Variants in CHD2 observed in about 807,000 individuals in gnomAD.
The protein encoded by CHD2 is ATP-dependent chromatin remodeler CHD2.
CHD2 carries 28 observed loss-of-function variants against 243.9 expected under a neutral mutation model. The ratio of observed to expected loss-of-function variants is 0.11; its 90% CI spans 0.09 to 0.16. The LOEUF (loss-of-function observed/expected upper bound fraction) is 0.16, where lower values mean the gene tolerates loss of function less well. Among genes scored for constraint, CHD2 ranks in the 10% least tolerant of loss-of-function variants. CHD2 has a pLI of 1.00. For missense variants in CHD2, 1,386 were observed against 2,209.8 expected (o/e 0.63, Z 7.47); for synonymous variants, 775 against 779.0 (o/e 0.99, Z 0.09).
At chr15:92,938,921 A>G (rs944712067) in intron 6 of CHD2, among the ~76,000 whole-genome samples, 26 of 152,224 alleles carry the variant, frequency 1.7e-4, no homozygotes, top group Non-Finnish European at 5.9e-5. Context: ...ATACACATAC[A>G]GTAAAAACTT....
intron 5 of CHD2, among the ~76,000 whole-genome samples, chr15:92,931,400 G>C (rs2053163585): frequency 6.6e-6 from 1 of 152,154 alleles, no homozygotes; most frequent in South Asian, 2.1e-4. Flanking sequence ...TTATTTAAGA[G>C]AGAGGGTCTT....
At chr15:92,929,965 C>G (rs1176250170) in intron 5 of CHD2, among the ~76,000 whole-genome samples, 1 of 151,962 alleles carries the variant, frequency 6.6e-6, no homozygotes, top group Non-Finnish European at 1.5e-5. Context: ...TTATTAGAAA[C>G]TATGCTAAGA....
chr15:93,010,616 G>A (rs996906552), intron 35 of CHD2, among the ~76,000 whole-genome samples: 1 of 151,964 alleles, frequency 6.6e-6, no homozygotes, highest in African/African-American at 2.4e-5. Context: ...TAGAGATGGG[G>A]TTTCATCATG....
At chr15:92,977,570 G>A (rs1020110339) in intron 20 of CHD2, among the ~76,000 whole-genome samples, 2 of 152,050 alleles carry the variant, frequency 1.3e-5, no homozygotes, top group South Asian at 2.1e-4. Context: ...GCACTCAGAC[G>A]CAGGCAGGTG....
Position 93,024,778 on chromosome 15 carries a change from G to T in CHD2, c.*73G>T. ...TTTTTGGTCTGATCCTACAGTAGCC[G>T]GTTATCTAGACCAGTAAGTGGAGTT... is the stretch of plus-strand genomic sequence containing the variant. On this transcript the variant is annotated 3_prime_UTR_variant, in exon 39 of 39. Coordinates refer to ENST00000394196, the MANE Select transcript of CHD2 (RefSeq NM_001271.4). The T allele has an allele frequency of 7.7e-7, 1 of 1,294,472 alleles. No individual in the cohort carries two copies. Among genetic ancestry groups the T allele is most frequent in the Non-Finnish European group, 1.1e-6 (1 of 935,034 alleles). 80.2% of individuals were successfully genotyped at this position (1,294,472 alleles called of 1,614,324 possible).
At chr15:92,929,991 T>C (rs1240518639) in intron 5 of CHD2, among the ~76,000 whole-genome samples, 1 of 147,814 alleles carries the variant, frequency 6.8e-6, no homozygotes, top group Admixed American at 6.9e-5. Flanking sequence ...TGACATTAAA[T>C]AAATGTAGGG....
At chr15:93,006,400 C>T (rs1349434904) in intron 34 of CHD2, among the ~76,000 whole-genome samples, 1 of 152,170 alleles carries the variant, frequency 6.6e-6, no homozygotes, top group Non-Finnish European at 1.5e-5. Context: ...GCTGGGATTA[C>T]AGGCGTGAGC....
At chr15:92,987,845 A>T in intron 26 of CHD2, among the ~76,000 whole-genome samples, 1 of 146,788 alleles carries the variant, frequency 6.8e-6, no homozygotes, top group Admixed American at 6.8e-5. Flanking sequence ...TAATTACCTT[A>T]AAAAAAAAAC....
intron 7 of CHD2, among the ~76,000 whole-genome samples, chr15:92,940,942 TATATAA>T (rs1184159636): frequency 9.7e-5 from 13 of 133,846 alleles, no homozygotes; most frequent in South Asian, 2.2e-4. Context: ...ATATAAAATA[TATATAA>T]ATATAAATAT....
At chr15:92,974,040 A>C (rs2053876431) in intron 19 of CHD2, 1 of 152,190 alleles carries the variant, frequency 6.6e-6, no homozygotes. Context: ...GTCACCTTTC[A>C]GGTTAGTTTT....
rs934872837 is a variant in CHD2 at position 93,020,048 on chromosome 15, A to G, written c.4943A>G (p.Tyr1648Cys). The change falls in exon 38 of 39, where the codon TAT becomes TGT. Residue 1648 changes from tyrosine to cysteine, a missense_variant. Around this residue, in one of 19 missense-constraint regions of CHD2, gnomAD observed 347 missense variants for 341.6 expected, o/e 1.02. Coordinates refer to ENST00000394196, the MANE Select transcript of CHD2 (RefSeq NM_001271.4). ...GDWQRERKFNYGGGNNNPPWG... is the reference protein window; with the variant it reads ...GDWQRERKFNCGGGNNNPPWG... The stretch of plus-strand genomic sequence containing the variant: ...TGGCAGAGGGAAAGAAAGTTCAACT[A>G]TGGTGGTGGCAACAACAATCCACCA... 1.9e-6 allele frequency: 3 copies of G among 1,614,054 alleles called. No homozygotes were observed. Among genetic ancestry groups the G allele is most frequent in the South Asian group, 1.1e-5 (1 of 91,082 alleles).
In CHD2 at chr15:93,020,266, A is replaced by G. The variant is rs1032969529; in HGVS notation, c.5153+8A>G. 3.7e-6 allele frequency: 6 copies of G among 1,614,044 alleles called. No individual in the cohort carries two copies. Among genetic ancestry groups the G allele is most frequent in the Non-Finnish European group, 5.1e-6 (6 of 1,180,024 alleles). On this transcript the variant is annotated splice_region_variant and intron_variant, in intron 38 of 38. Transcript: ENST00000394196. ...CAGAGATTATTATGACAGGTATGCA[A>G]AAGGCTGTGAGACACCAGGTGCCAA... is the stretch of plus-strand genomic sequence containing the variant.
chr15:92,953,408 G>A lies in CHD2; in HGVS notation c.1554G>A (p.Gln518=). ...AAATGGGCCTAGGAAAGACCATCCA[G>A]ACCATATCATTCCTCTCCTACCTGT... The part of the protein sequence containing the change: ...ADEMGLGKTI[Q]TISFLSYLFH... Residue 518 remains glutamine, a synonymous_variant, in exon 14 of 39, where the codon CAG becomes CAA. Coordinates refer to ENST00000394196, the MANE Select transcript of CHD2 (RefSeq NM_001271.4). 6.2e-7 allele frequency: 1 copy of A among 1,614,128 alleles called. No homozygotes were observed. Among genetic ancestry groups the A allele is most frequent in the Non-Finnish European group, 8.5e-7 (1 of 1,180,012 alleles).
chr15:92,921,051 T>C (rs935709155), intron 2 of CHD2, among the ~76,000 whole-genome samples: 5 of 151,790 alleles, frequency 3.3e-5, no homozygotes. Flanking sequence ...GGCATGGTAA[T>C]TGAAGCTCAG....
intron 35 of CHD2, 105 bp downstream of exon 35, chr15:93,009,428 C>T: frequency 9.3e-7 from 1 of 1,073,626 alleles, no homozygotes; most frequent in Non-Finnish European, 1.3e-6. Context: ...AAATCTTTCT[C>T]CCAGCACAAC....
intron 28 of CHD2, 69 bp from the exon 29 acceptor site, chr15:92,996,888 G>C (rs373679953): frequency 6.7e-7 from 1 of 1,485,196 alleles, no homozygotes; most frequent in East Asian, 2.3e-5. Context: ...GTCAGGGTTC[G>C]TTGATACATG....
chr15:92,944,478 G>A lies in CHD2; in HGVS notation c.1116G>A (p.Glu372=), dbSNP rs147482358. ...YFNCQQELAS[E]LNKQYQIVER... ...ATTGCCAACAGGAGCTGGCTTCAGA[G>A]TTGAATAAACAGTATCAGATAGTAG... Residue 372 remains glutamate (E), a synonymous_variant, in exon 10 of 39, where the codon GAG becomes GAA. Coordinates refer to ENST00000394196, the MANE Select transcript of CHD2 (RefSeq NM_001271.4). The A allele has an allele frequency of 1.8e-5, 29 of 1,609,920 alleles. No homozygotes were observed. The African/African-American group carries it at 3.7e-4, about 21-fold the overall frequency.
intron 7 of CHD2, 22 bp downstream of exon 7, chr15:92,939,740 T>A (rs1332923889): frequency 6.2e-7 from 1 of 1,609,386 alleles, no homozygotes; most frequent in Non-Finnish European, 8.5e-7. Flanking sequence ...CCCAGAAGTG[T>A]TTCACTGGTG....
intron 5 of CHD2, among the ~76,000 whole-genome samples, chr15:92,936,407 G>C (rs2053268216): frequency 6.6e-6 from 1 of 152,098 alleles, no homozygotes; most frequent in African/African-American, 2.4e-5. Context: ...TTTTTTCCTA[G>C]GTATTTCATG....
Sources: allele counts gnomAD v4.1 joint callset (sites outside exome capture counted in the v4.1 genomes callset), GRCh38; gene constraint gnomAD v4.1.1; regional missense constraint gnomAD v4.1.1; transcripts MANE v1.5; gene names NCBI Gene and HGNC (gene_info 2026-07-23, HGNC 2026-07-21).